Variants in GPD2 observed in about 807,000 individuals in gnomAD.
GPD2 encodes the protein glycerol-3-phosphate dehydrogenase, mitochondrial.
A neutral mutation model predicts 82.4 loss-of-function variants in GPD2; 54 were observed. The observed-to-expected ratio is 0.66, with a 90% CI of 0.53 to 0.82. GPD2 has a LOEUF of 0.82. GPD2 is among the 40% of genes least tolerant of loss of function. The pLI, the probability that GPD2 is intolerant of heterozygous loss-of-function variation, is 0.00. For missense variants in GPD2, 748 were observed against 896.2 expected (o/e 0.83, Z 2.11); for synonymous variants, 288 against 306.1 (o/e 0.94, Z 0.62).
At chr2:156,535,920 T>A (rs1686059809) in intron 6 of GPD2, among the ~76,000 whole-genome samples, 1 of 152,234 alleles carries the variant, frequency 6.6e-6, no homozygotes, top group Admixed American at 6.5e-5. Flanking sequence ...AAGCTATAGA[T>A]AGAACAAAGG....
chr2:156,564,819 T>C (rs893722725), intron 9 of GPD2, among the ~76,000 whole-genome samples: 14 of 152,252 alleles, frequency 9.2e-5, no homozygotes, highest in African/African-American at 2.4e-4. Context: ...TCAACTGATA[T>C]AATTCTCAGG....
At chr2:156,407,333 A>G in the GPD2 span, among the ~76,000 whole-genome samples, 1 of 152,150 alleles carries the variant, frequency 6.6e-6, no homozygotes, top group Non-Finnish European at 1.5e-5. Flanking sequence ...GAGACATGCA[A>G]TTTATTTTTA....
the GPD2 span, among the ~76,000 whole-genome samples, chr2:156,412,867 C>G: frequency 6.6e-6 from 1 of 152,130 alleles, no homozygotes; most frequent in African/African-American, 2.4e-5. Flanking sequence ...GAGGCTGAGA[C>G]AGGTGGATCA....
intron 16 of GPD2, among the ~76,000 whole-genome samples, chr2:156,580,344 C>T (rs2105380432): frequency 6.6e-6 from 1 of 152,242 alleles, no homozygotes; most frequent in East Asian, 1.9e-4. Flanking sequence ...ATTTCCATTT[C>T]CAATTGTTAA....
At chr2:156,569,118 T>A (rs1687508571) in intron 10 of GPD2, among the ~76,000 whole-genome samples, 159 bp downstream of exon 10, 1 of 151,508 alleles carries the variant, frequency 6.6e-6, no homozygotes, top group Admixed American at 6.6e-5. Context: ...CATGAGCCAC[T>A]ACACCTGGCC....
intron 1 of GPD2, among the ~76,000 whole-genome samples, chr2:156,475,485 C>T (rs568250234): frequency 2.0e-4 from 31 of 152,178 alleles, no homozygotes; most frequent in Admixed American, 7.2e-4. Context: ...TCCACCACCA[C>T]GGCCTCCCAA....
intron 6 of GPD2, among the ~76,000 whole-genome samples, chr2:156,542,766 C>T (rs1046382724): frequency 6.6e-5 from 10 of 152,218 alleles, no homozygotes; most frequent in Non-Finnish European, 1.2e-4. Context: ...TTCTCTAATT[C>T]TTGCTTAACT....
At position 156,505,680 on chromosome 2, in the gene GPD2, C is replaced by T. The variant is rs190382280; in HGVS notation, c.275-5116C>T. On this transcript the variant is annotated intron_variant, in intron 3 of 16. Coordinates refer to ENST00000438166, the MANE Select transcript of GPD2 (RefSeq NM_000408.5). ...AGGGAAGATCTCTCCCCAGCCTCCT[C>T]AAATCCATAGTAAGGAGTAGTTTCT... Among the ~76,000 whole-genome samples the T allele has an allele frequency of 4.4e-4, 67 of 152,296 alleles. 1 individual carries two copies. Among genetic ancestry groups the T allele is most frequent in the Admixed American group, 1.1e-3 (17 of 15,298 alleles).
At chr2:156,472,461 C>T (rs1175148217) in intron 1 of GPD2, among the ~76,000 whole-genome samples, 3 of 152,120 alleles carry the variant, frequency 2.0e-5, no homozygotes, top group Admixed American at 6.5e-5. Context: ...GCTGGGATTA[C>T]AGGCGCATGC....
At chr2:156,570,050 T>C (rs746840275) in intron 11 of GPD2, 37 bp from the exon 12 acceptor site, 2 of 1,602,138 alleles carry the variant, frequency 1.2e-6, no homozygotes, top group Non-Finnish European at 1.7e-6. Context: ...GCTATTGATA[T>C]TCAAAGTGCC....
At chr2:156,510,713 T>C in intron 3 of GPD2, 83 bp from the exon 4 acceptor site, 1 of 1,117,470 alleles carries the variant, frequency 8.9e-7, no homozygotes. Flanking sequence ...CTTGTGATTG[T>C]CTCTACCCTG....
At chr2:156,565,384 TTGAGGTTTTATA>T (rs1469488674) in intron 9 of GPD2, among the ~76,000 whole-genome samples, 1 of 152,142 alleles carries the variant, frequency 6.6e-6, no homozygotes, top group Non-Finnish European at 1.5e-5. Context: ...ACAACTTGTT[TTGAGGTTTTATA>T]TGACTGGTAA....
intron 1 of GPD2, among the ~76,000 whole-genome samples, chr2:156,456,804 G>T (rs1682804517): frequency 6.6e-6 from 1 of 152,008 alleles, no homozygotes; most frequent in South Asian, 2.1e-4. Flanking sequence ...TGGGTTGGGG[G>T]CTGTGGGAGA....
chr2:156,561,039 G>GTTTTTTTTTTTT (rs1491213527), intron 9 of GPD2, among the ~76,000 whole-genome samples: 18 of 19,496 alleles, frequency 9.2e-4, no homozygotes, highest in East Asian at 2.1e-3. Context: ...GTGACATTAA[G>GTTTTTTTTTTTT]CTTTTTTTTT....
intron 6 of GPD2, among the ~76,000 whole-genome samples, chr2:156,534,385 G>T (rs1052486017): frequency 6.6e-6 from 1 of 152,194 alleles, no homozygotes; most frequent in Admixed American, 6.5e-5. Context: ...GGAAATGTTT[G>T]GGTGCAAAAA....
At chr2:156,469,566 A>G (rs536164762) in intron 1 of GPD2, among the ~76,000 whole-genome samples, 107 of 152,262 alleles carry the variant, frequency 7.0e-4, no homozygotes, top group African/African-American at 2.4e-3. Flanking sequence ...TTGATTGAAA[A>G]TCTTGGCTAC....
chr2:156,518,516 T>C (rs555874823), intron 6 of GPD2, among the ~76,000 whole-genome samples: 2 of 152,320 alleles, frequency 1.3e-5, no homozygotes, highest in South Asian at 2.1e-4. Flanking sequence ...CAGGCTCTTT[T>C]GTTAGGAGCA....
At chr2:156,511,825 G>A (rs1436525666) in intron 4 of GPD2, among the ~76,000 whole-genome samples, 2 of 152,154 alleles carry the variant, frequency 1.3e-5, no homozygotes, top group Admixed American at 6.5e-5. Context: ...TCATTGCTTG[G>A]TTTCATGAAG....
chr2:156,573,813 A>G (rs1210477141), intron 13 of GPD2, among the ~76,000 whole-genome samples: 1 of 152,182 alleles, frequency 6.6e-6, no homozygotes, highest in Non-Finnish European at 1.5e-5. Flanking sequence ...AGAAAGAATT[A>G]AAAGGTTAGA....
Sources: gnomAD v4.1 joint callset for allele counts (sites outside exome capture counted in the v4.1 genomes callset) on GRCh38, gnomAD v4.1.1 for gene constraint, MANE v1.5 for transcripts, NCBI Gene and HGNC (gene_info 2026-07-23, HGNC 2026-07-21) for gene names.